MTAP: variants seen among roughly 807,000 people sequenced by gnomAD.
The protein encoded by MTAP is S-methyl-5'-thioadenosine phosphorylase.
MTAP carries 33 observed loss-of-function variants against 33.6 expected under a neutral mutation model. The ratio of observed to expected loss-of-function variants is 0.98; its 90% CI spans 0.74 to 1.31. The LOEUF (loss-of-function observed/expected upper bound fraction) is 1.31. Ranked by LOEUF, MTAP falls within the 40% of genes most tolerant of loss-of-function variation. The probability of loss-of-function intolerance (pLI) is 0.00; values close to 1 mark genes in which losing one functional copy is unlikely to be tolerated. For synonymous variants in MTAP, 148 were observed against 125.7 expected (o/e 1.18, Z -1.19); for missense variants, 367 against 360.0 (o/e 1.02, Z -0.16).
chr9:21,918,574 T>C (rs527777630), intron 1 of MTAP, among the ~76,000 whole-genome samples: 1 of 152,086 alleles, frequency 6.6e-6, no homozygotes, highest in Non-Finnish European at 1.5e-5. Flanking sequence ...TTGTGATTGA[T>C]GTGGTTTCGC....
chr9:21,868,232 A>T (rs1825884243), downstream of MTAP, among the ~76,000 whole-genome samples: 1 of 152,226 alleles, frequency 6.6e-6, no homozygotes, highest in Non-Finnish European at 1.5e-5. Context: ...ACCTAGCTTC[A>T]TAGCAGTTTA....
At chr9:21,843,492 C>G (rs2118387607) in intron 5 of MTAP, among the ~76,000 whole-genome samples, 1 of 152,228 alleles carries the variant, frequency 6.6e-6, no homozygotes, top group Non-Finnish European at 1.5e-5. Flanking sequence ...CAAAATAGAA[C>G]ATATGCCACA....
chr9:21,878,345 C>T (rs1019127813), intron 1 of MTAP, among the ~76,000 whole-genome samples: 10 of 151,988 alleles, frequency 6.6e-5, no homozygotes, highest in Admixed American at 3.3e-4. Context: ...TTTCATGTCT[C>T]AATTTTGTTC....
At chr9:21,845,241 G>A (rs1433091243) in intron 5 of MTAP, among the ~76,000 whole-genome samples, 2 of 152,156 alleles carry the variant, frequency 1.3e-5, no homozygotes, top group African/African-American at 4.8e-5. Context: ...AAGTCAAACT[G>A]TTGCTGTTCA....
chr9:21,915,343 G>A (rs763550706), intron 1 of MTAP, among the ~76,000 whole-genome samples: 32 of 151,726 alleles, frequency 2.1e-4, no homozygotes, highest in Non-Finnish European at 4.1e-4. Context: ...CACCCACCTC[G>A]GCCTCCCAAA....
chr9:21,940,088 C>G (rs1819112092), downstream of MTAP, among the ~76,000 whole-genome samples: 1 of 152,118 alleles, frequency 6.6e-6, no homozygotes, highest in African/African-American at 2.4e-5. Flanking sequence ...TGAAACCAAG[C>G]CTGGCCAACA....
At position 21,808,545 on chromosome 9, in the gene MTAP, C is replaced by T. The variant is rs1824265242; in HGVS notation, c.33+5764C>T. Among the ~76,000 whole-genome samples, 5 of 150,566 alleles carry T rather than the reference C, an allele frequency of 3.3e-5. No homozygotes were observed. The South Asian group carries it at 1.0e-3, about 32-fold the overall frequency. On this transcript the variant is annotated intron_variant, in intron 1 of 7. Coordinates refer to ENST00000644715, the MANE Select transcript of MTAP (RefSeq NM_002451.4). ...TTGAGGCTGCAGTGAGCTGAGATTTCACCACTGCACTCCAGCAGCCTGGGT... is the reference window on the plus strand; with the variant it reads ...TTGAGGCTGCAGTGAGCTGAGATTTTACCACTGCACTCCAGCAGCCTGGGT...
At chr9:21,819,936 C>T (rs1824588157) in intron 4 of MTAP, among the ~76,000 whole-genome samples, 2 of 152,166 alleles carry the variant, frequency 1.3e-5, no homozygotes. Context: ...GCATAAATGT[C>T]TTCTATTGAG....
At chr9:21,871,882 A>G (rs1192148637), downstream of MTAP, among the ~76,000 whole-genome samples, 2 of 152,186 alleles carry the variant, frequency 1.3e-5, no homozygotes, top group African/African-American at 4.8e-5. Flanking sequence ...AATGACTTAC[A>G]TATTAGGTGT....
chr9:21,929,000 C>G (rs1818911055), intron 1 of MTAP, among the ~76,000 whole-genome samples: 1 of 151,934 alleles, frequency 6.6e-6, no homozygotes, highest in African/African-American at 2.4e-5. Context: ...GGAAACAATC[C>G]CAGCCTCTGT....
Position 21,865,356 on chromosome 9 carries a change from G to A in MTAP, c.*3342G>A. ...TTCCTGAGGCCTTCCCAGCTATGTG[G>A]AACTGTGAGTTAATTAAACCTCTTT... On this transcript the variant is annotated 3_prime_UTR_variant, in exon 8 of 8. Coordinates refer to ENST00000644715, the MANE Select transcript of MTAP (RefSeq NM_002451.4). 1.2e-6 allele frequency: 1 copy of A among 824,802 alleles called. No homozygotes were observed. The highest frequency in any genetic ancestry group is 1.5e-6 in the Non-Finnish European group (1 of 683,532). 51.1% of individuals were successfully genotyped at this position (824,802 alleles called of 1,614,324 possible).
intron 1 of MTAP, among the ~76,000 whole-genome samples, chr9:21,902,353 T>C (rs764374974): frequency 1.3e-5 from 2 of 152,222 alleles, no homozygotes; most frequent in Non-Finnish European, 2.9e-5. Context: ...CGCATGCCTA[T>C]GCCCTACCTG....
chr9:21,931,088 A>G, exon 2 of MTAP: 1 of 764,190 alleles, frequency 1.3e-6, no homozygotes. Context: ...GAGGACTCCT[A>G]GACTTCCCAT....
Position 21,862,822 on chromosome 9 carries a change from A to C in MTAP, c.*808A>C. On this transcript the variant is annotated 3_prime_UTR_variant, in exon 8 of 8. Coordinates refer to ENST00000644715, the MANE Select transcript of MTAP (RefSeq NM_002451.4). ...GAAATATATATAACCTTGTTATTGT[A>C]TTTGGGGGAGGGATACTGGGATAAT... 1 of 433,002 alleles carries C rather than the reference A, an allele frequency of 2.3e-6. No individual in the cohort carries two copies. The highest frequency in any genetic ancestry group is 3.1e-6 in the Non-Finnish European group (1 of 325,976). The allele number at this position is 433,002 out of a possible 1,614,324, so 26.8% of individuals were successfully genotyped here. A position where few individuals can be genotyped will look rare whatever the true frequency, so the allele number is the denominator to read the frequency against.
chr9:21,852,478 C>G (rs1412660029), intron 5 of MTAP, among the ~76,000 whole-genome samples: 3 of 147,406 alleles, frequency 2.0e-5, no homozygotes, highest in Non-Finnish European at 4.4e-5. Context: ...CTAATGCATT[C>G]CAGCGTGGGC....
chr9:21,888,496 C>A (rs1047075888), intron 1 of MTAP, among the ~76,000 whole-genome samples: 9 of 151,990 alleles, frequency 5.9e-5, no homozygotes, highest in Admixed American at 5.2e-4. Flanking sequence ...AAAATTGGAA[C>A]CTCCAGTGTT....
intron 2 of MTAP, 66 bp from the exon 3 acceptor site, chr9:21,816,648 A>G: frequency 7.0e-7 from 1 of 1,437,132 alleles, no homozygotes; most frequent in Non-Finnish European, 9.7e-7. Context: ...TTGTGGTTGA[A>G]CAATTATAAT....
intron 4 of MTAP, among the ~76,000 whole-genome samples, chr9:21,829,605 T>A (rs7869680): frequency 0.17 from 25,607 of 151,136 alleles, 2,618 homozygotes; most frequent in African/African-American, 0.27. Flanking sequence ...CCTATTGCCG[T>A]AAGTTTGTCA....
At chr9:21,854,460 A>G (rs1825588037) in intron 5 of MTAP, among the ~76,000 whole-genome samples, 171 bp from the exon 6 acceptor site, 1 of 152,180 alleles carries the variant, frequency 6.6e-6, no homozygotes, top group Non-Finnish European at 1.5e-5. Context: ...GGTCCAGGAA[A>G]CACCCTTCTG....
Sources: allele counts gnomAD v4.1 joint callset (sites outside exome capture counted in the v4.1 genomes callset), GRCh38; gene constraint gnomAD v4.1.1; transcripts MANE v1.5; gene names NCBI Gene and HGNC (gene_info 2026-07-23, HGNC 2026-07-21).